Variants in BRWD1 observed in about 807,000 individuals in gnomAD.
BRWD1 encodes bromodomain and WD repeat domain containing 1.
BRWD1 carries 82 observed loss-of-function variants against 251.2 expected under a neutral mutation model. The ratio of observed to expected loss-of-function variants is 0.33; its 90% CI spans 0.27 to 0.39. BRWD1 has a LOEUF of 0.39. Among genes scored for constraint, BRWD1 ranks in the 10% least tolerant of loss-of-function variants. BRWD1 has a pLI of 1.00. For synonymous variants in BRWD1, 918 were observed against 902.8 expected (o/e 1.02, Z -0.30); for missense variants, 2,233 against 2,711.6 (o/e 0.82, Z 3.92).
intron 4 of BRWD1, among the ~76,000 whole-genome samples, chr21:39,304,395 G>C (rs986823346): frequency 3.3e-5 from 5 of 152,026 alleles, no homozygotes; most frequent in African/African-American, 1.2e-4. Context: ...AGGACTGCCT[G>C]AGTCCAAGAG....
intron 17 of BRWD1, among the ~76,000 whole-genome samples, chr21:39,261,773 A>G (rs2034756305): frequency 6.9e-6 from 1 of 145,634 alleles, no homozygotes; most frequent in African/African-American, 2.7e-5. Context: ...CCCAAAGAAG[A>G]AAAAAAAAAG....
intron 8 of BRWD1, among the ~76,000 whole-genome samples, chr21:39,288,780 G>A (rs1457636353): frequency 3.3e-5 from 5 of 152,312 alleles, no homozygotes; most frequent in Admixed American, 1.3e-4. Flanking sequence ...TTAAGTAGAA[G>A]TGATCATCTT....
At chr21:39,234,438 G>C (rs1418961693) in intron 23 of BRWD1, among the ~76,000 whole-genome samples, 1 of 152,212 alleles carries the variant, frequency 6.6e-6, no homozygotes, top group East Asian at 1.9e-4. Flanking sequence ...ACAAGGTAAA[G>C]CTGAGGGGGA....
intron 33 of BRWD1, 88 bp from the exon 34 acceptor site, chr21:39,212,795 T>G: frequency 1.1e-6 from 1 of 943,714 alleles, no homozygotes; most frequent in Non-Finnish European, 1.6e-6. Context: ...TCAAAGACAT[T>G]TGGTATTACC....
chr21:39,265,937 T>C (rs78057341), intron 15 of BRWD1, among the ~76,000 whole-genome samples: 187 of 152,344 alleles, frequency 1.2e-3, no homozygotes, highest in African/African-American at 4.2e-3. Context: ...TATTCTTCCT[T>C]TTAAACTGTA....
At position 39,187,522 on chromosome 21, in the gene BRWD1, A is replaced by G. The variant is rs550216703; in HGVS notation, c.*8737T>C. Reference sequence around the variant, plus strand: ...CACTCATTCGGAAACAATAAATTTAAAAGTCATATTGCTAAATGATAAATT... The same window carrying G: ...CACTCATTCGGAAACAATAAATTTAGAAGTCATATTGCTAAATGATAAATT... On this transcript the variant is annotated 3_prime_UTR_variant, in exon 41 of 41. Transcript: ENST00000342449. 4.2e-6 allele frequency: 6 copies of G among 1,421,678 alleles called. No homozygotes were observed. In the African/African-American group the frequency reaches 5.8e-5, roughly 14 times the overall value. The allele number at this position is 1,421,678 out of a possible 1,614,324, so 88.1% of individuals were successfully genotyped here.
At chr21:39,307,341 ATTTT>A (rs966426664) in intron 4 of BRWD1, among the ~76,000 whole-genome samples, 1 of 152,022 alleles carries the variant, frequency 6.6e-6, no homozygotes, top group African/African-American at 2.4e-5. Context: ...TTATTTTGTA[ATTTT>A]TTTTACTCTA....
chr21:39,279,484 C>CA (rs35269378), intron 9 of BRWD1, among the ~76,000 whole-genome samples: 140,059 of 151,140 alleles, frequency 0.93, 65,240 homozygotes, highest in African/African-American at 0.97. Context: ...ACTAAAAATA[C>CA]AAAAATTAGC....
chr21:39,207,293 G>A (rs2146484911), intron 36 of BRWD1, among the ~76,000 whole-genome samples: 1 of 152,020 alleles, frequency 6.6e-6, no homozygotes, highest in East Asian at 1.9e-4. Flanking sequence ...TAATTAGCCG[G>A]GCATGGTGGC....
intron 17 of BRWD1, among the ~76,000 whole-genome samples, chr21:39,263,314 C>G (rs1199211183): frequency 6.6e-6 from 1 of 152,094 alleles, no homozygotes; most frequent in Non-Finnish European, 1.5e-5. Flanking sequence ...TCTTTAACAT[C>G]TGTAGAGAAA....
chr21:39,267,539 C>T (rs1457889133), intron 15 of BRWD1, among the ~76,000 whole-genome samples: 1 of 152,138 alleles, frequency 6.6e-6, no homozygotes, highest in South Asian at 2.1e-4. Context: ...GCGGAGCTTG[C>T]AGTGAGCCGA....
At chr21:39,319,352 G>A (rs1449122276) in intron 1 of BRWD1, among the ~76,000 whole-genome samples, 1 of 152,102 alleles carries the variant, frequency 6.6e-6, no homozygotes, top group Non-Finnish European at 1.5e-5. Flanking sequence ...TTTGTTCCCA[G>A]CTTGCAGGCG....
rs200981927 is a variant in BRWD1, at chr21:39,312,834, T to C, written c.198+7A>G. 5 of 1,573,392 alleles carry C rather than the reference T, an allele frequency of 3.2e-6. No individual in the cohort carries two copies. The Admixed American group carries it at 5.2e-5, about 16-fold the overall frequency. ...AAACCCGGGGAGCAAACGTGCCCAA[T>C]GCTCACCAACTCCTCGTAGCTCCTG... On this transcript the variant is annotated splice_region_variant and intron_variant, in intron 4 of 40. Coordinates refer to ENST00000342449, the MANE Select transcript of BRWD1 (RefSeq NM_033656.4).
At position 39,202,529 on chromosome 21, in the gene BRWD1, T is replaced by C; in HGVS notation, c.4381A>G (p.Arg1461Gly). ...NKSIRNLKPK[R>G]LKSQTKIIPE... ...ATTATTTTTGTCTGAGATTTTAACCTCTTCGGCTTGAGGTTTCTGGCCAAA... is the reference window on the plus strand; with the variant it reads ...ATTATTTTTGTCTGAGATTTTAACCCCTTCGGCTTGAGGTTTCTGGCCAAA... The change falls in exon 38 of 41, where the codon AGG (arginine) becomes GGG (glycine). Residue 1461 changes from arginine (R) to glycine (G), a missense_variant. Arg to Gly is a moderately radical substitution (Grantham distance 125). Around this residue, in one of 12 missense-constraint regions of BRWD1, gnomAD observed 928 missense variants for 970.0 expected, o/e 0.96. Transcript: ENST00000342449. 6.2e-7 allele frequency: 1 copy of C among 1,609,078 alleles called. No homozygotes were observed. Among genetic ancestry groups the C allele is most frequent in the Non-Finnish European group, 8.5e-7 (1 of 1,175,794 alleles).
intron 8 of BRWD1, among the ~76,000 whole-genome samples, chr21:39,290,700 T>C (rs945433544): frequency 6.6e-6 from 1 of 152,204 alleles, no homozygotes; most frequent in African/African-American, 2.4e-5. Flanking sequence ...AACACATTCA[T>C]ATCAAACTAT....
intron 8 of BRWD1, among the ~76,000 whole-genome samples, chr21:39,283,070 T>G: frequency 6.6e-6 from 1 of 152,222 alleles, no homozygotes; most frequent in Non-Finnish European, 1.5e-5. Context: ...TAGCTATTTC[T>G]GTCCCACTTA....
rs7282651 is a variant in BRWD1, at chr21:39,245,859, C to T, written c.2481+1842G>A. Among the ~76,000 whole-genome samples, 605 of 152,104 alleles carry T rather than the reference C, an allele frequency of 4.0e-3. 18 individuals are homozygous for T. The East Asian group carries it at 0.061, about 15-fold the overall frequency. Reference sequence around the variant, plus strand: ...AGGAGTCATCTGCCCACCTTGGCCTCGCAAAGTCCTGGGATTACAGGCATG... The same window carrying T: ...AGGAGTCATCTGCCCACCTTGGCCTTGCAAAGTCCTGGGATTACAGGCATG... On this transcript the variant is annotated intron_variant, in intron 21 of 40. Coordinates refer to ENST00000342449, the MANE Select transcript of BRWD1 (RefSeq NM_033656.4).
At position 39,197,238 on chromosome 21, in the gene BRWD1, T is replaced by C. The variant is rs1202813878; in HGVS notation, c.5831A>G (p.Asp1944Gly). The change falls in exon 41 of 41, where the codon GAT becomes GGT. Residue 1944 changes from aspartate (D) to glycine (G), a missense_variant. This residue lies in a region of BRWD1 where 928 missense variants were observed against 970.0 expected (regional missense o/e 0.96). Transcript: ENST00000342449. ...ATTTTCTAAACTGACATCTTCTACA[T>C]CACTCATGAGCTTGATCTTATTGGC... The part of the protein sequence containing the change: ...TAANKIKLMS[D>G]VEDVSLENVH... 3.1e-6 allele frequency: 5 copies of C among 1,614,000 alleles called. No homozygotes were observed. The highest frequency in any genetic ancestry group is 4.2e-6 in the Non-Finnish European group (5 of 1,179,962).
intron 20 of BRWD1, among the ~76,000 whole-genome samples, chr21:39,250,085 T>C (rs980864173): frequency 6.6e-6 from 1 of 152,104 alleles, no homozygotes; most frequent in Non-Finnish European, 1.5e-5. Context: ...AACTTGCAAT[T>C]CATGGCCTCC....
Sources: allele counts gnomAD v4.1 joint callset (sites outside exome capture counted in the v4.1 genomes callset), GRCh38; gene constraint gnomAD v4.1.1; regional missense constraint gnomAD v4.1.1; transcripts MANE v1.5; gene names NCBI Gene and HGNC (gene_info 2026-07-23, HGNC 2026-07-21).